The following UCKL1 variants were observed in gnomAD, a reference collection of about 807,000 sequenced individuals.
The protein encoded by UCKL1 is uridine-cytidine kinase 1 like 1, also known as uridine-cytidine kinase-like 1.
A neutral mutation model predicts 59.2 loss-of-function variants in UCKL1; 65 were observed. The observed-to-expected ratio is 1.10, with a 90% CI of 0.90 to 1.35. The LOEUF (loss-of-function observed/expected upper bound fraction) is 1.35. Among genes scored for constraint, UCKL1 ranks in the 40% most tolerant of loss-of-function variants. The pLI is 0.00. For missense variants in UCKL1, 703 were observed against 784.3 expected (o/e 0.90, Z 1.24); for synonymous variants, 410 against 323.1 (o/e 1.27, Z -2.88).
At chr20:63,946,313 C>T (rs368324388) in intron 2 of UCKL1, 46 bp from the exon 3 acceptor site, 27 of 1,552,384 alleles carry the variant, frequency 1.7e-5, no homozygotes, top group African/African-American at 8.2e-5. Context: ...GGCAGGCTGC[C>T]GGCACAGATA....
At chr20:63,951,216 A>G in intron 1 of UCKL1, 1 of 998,822 alleles carries the variant, frequency 1.0e-6, no homozygotes, top group Non-Finnish European at 1.2e-6. Context: ...GCCTGATATT[A>G]ATAGCGCTGG....
Position 63,944,602 on chromosome 20 carries a change from A to G in UCKL1, c.787T>C (p.Ser263Pro). ...GTGGGCTGGATGTACTGGTCGAAGG[A>G]GGGCTTGACAAACTTGTTGTACTGC... ...IKQYNKFVKP[S>P]FDQYIQPTMR... The change falls in exon 6 of 15, where the codon TCC becomes CCC. Residue 263 changes from serine (S) to proline (P), a missense_variant. Ser to Pro is a moderately conservative substitution (Grantham distance 74, BLOSUM62 -1). Transcript: ENST00000354216. The G allele has an allele frequency of 6.2e-7, 1 of 1,613,160 alleles. No homozygotes were observed. Among genetic ancestry groups the G allele is most frequent in the Non-Finnish European group, 8.5e-7 (1 of 1,179,882 alleles).
chr20:63,950,750 G>A (rs770966979), intron 1 of UCKL1: 14 of 1,526,722 alleles, frequency 9.2e-6, no homozygotes, highest in South Asian at 6.2e-5. Context: ...ACCTCCAGTC[G>A]AGACTCACCT....
intron 3 of UCKL1, 68 bp from the exon 4 acceptor site, chr20:63,946,043 G>C: frequency 6.2e-7 from 1 of 1,610,412 alleles, no homozygotes. Flanking sequence ...GCGGACAGGG[G>C]CTCTAGGCCT....
At position 63,945,872 on chromosome 20, in the gene UCKL1, A is replaced by G; in HGVS notation, c.515T>C (p.Leu172Pro). 2.5e-6 allele frequency: 4 copies of G among 1,613,690 alleles called. No homozygotes were observed. Among genetic ancestry groups the G allele is most frequent in the Non-Finnish European group, 3.4e-6 (4 of 1,179,968 alleles). ...CACCTTGACACTCTTCCCCTGCTTC[A>G]GCTTCTTGAGGGTGGAAATGATGAG... ...FDLIISTLKK[L>P]KQGKSVKVPI... The change falls in exon 4 of 15, where the codon CTG becomes CCG. Residue 172 changes from leucine to proline, a missense_variant. Leu to Pro is a moderately conservative substitution (Grantham distance 98, BLOSUM62 -3). Around this residue, in one of 4 missense-constraint regions of UCKL1, gnomAD observed 398 missense variants for 373.0 expected, o/e 1.07. Transcript: ENST00000354216.
At chr20:63,946,857 C>G (rs1165630890) in intron 1 of UCKL1, among the ~76,000 whole-genome samples, 1 of 151,874 alleles carries the variant, frequency 6.6e-6, no homozygotes, top group African/African-American at 2.4e-5. Flanking sequence ...GCAGGTGGAT[C>G]ATTTGAGGTC....
intron 1 of UCKL1, among the ~76,000 whole-genome samples, chr20:63,950,509 CACA>C (rs1357431001): frequency 2.6e-5 from 4 of 152,160 alleles, no homozygotes; most frequent in Non-Finnish European, 4.4e-5. Context: ...TGCTTCTGGC[CACA>C]ACAACAAAAG....
intron 1 of UCKL1, among the ~76,000 whole-genome samples, chr20:63,947,664 G>C (rs1016846551): frequency 6.6e-6 from 1 of 152,240 alleles, no homozygotes; most frequent in African/African-American, 2.4e-5. Context: ...ATTCATTCTT[G>C]CTGTGGCCCC....
intron 1 of UCKL1, among the ~76,000 whole-genome samples, chr20:63,948,003 G>A (rs1006081579): frequency 3.9e-5 from 6 of 152,348 alleles, no homozygotes; most frequent in South Asian, 2.1e-4. Flanking sequence ...GGGGGTTGGG[G>A]GGGCATCAAC....
intron 12 of UCKL1, 28 bp from the exon 13 acceptor site, chr20:63,940,513 G>T: frequency 6.2e-7 from 1 of 1,606,774 alleles, no homozygotes; most frequent in Non-Finnish European, 8.5e-7. Flanking sequence ...CAGGCTGCAG[G>T]TGGGGCTCCC....
At chr20:63,940,566 G>T in intron 12 of UCKL1, 28 bp downstream of exon 12, 6 of 1,605,238 alleles carry the variant, frequency 3.7e-6, no homozygotes, top group Non-Finnish European at 3.4e-6. Context: ...CTACCCCCGG[G>T]CTCATCACCC....
At position 63,943,672 on chromosome 20, in the gene UCKL1, G is replaced by C. The variant is rs775539209; in HGVS notation, c.907-3C>G. 5.0e-6 allele frequency: 8 copies of C among 1,612,714 alleles called. No homozygotes were observed. In the South Asian group the frequency reaches 7.7e-5, roughly 15 times the overall value. On this transcript the variant is annotated splice_polypyrimidine_tract_variant and splice_region_variant and intron_variant, in intron 7 of 14. Transcript: ENST00000354216. ...TCTTACCTGACGCTGAGTTCACGCT[G>C]TGGCAGCAACACAGGAAGACACAAG...
chr20:63,947,104 G>A (rs967358894), intron 1 of UCKL1, among the ~76,000 whole-genome samples: 12 of 151,722 alleles, frequency 7.9e-5, no homozygotes, highest in African/African-American at 2.9e-4. Flanking sequence ...CCTGCCTCCT[G>A]CCTGCAGCTG....
chr20:63,945,901 GA>G lies in UCKL1; in HGVS notation c.485del (p.Phe162SerfsTer11). On this transcript the variant is annotated frameshift_variant, in exon 4 of 15. Transcript: ENST00000354216. LOFTEE classifies it high-confidence loss of function. ...FNFDHPDAFD[F>X]DLIISTLKKL... ...TCTTGAGGGTGGAAATGATGAGGTC[GA>G]AGTCAAAGGCATCTGGGTGGTCGAA... The G allele has an allele frequency of 6.2e-7, 1 of 1,613,866 alleles. No homozygotes were observed.
At chr20:63,943,966 G>A (rs1275668635) in intron 7 of UCKL1, among the ~76,000 whole-genome samples, 1 of 152,206 alleles carries the variant, frequency 6.6e-6, no homozygotes, top group Non-Finnish European at 1.5e-5. Flanking sequence ...CCCAGCCATA[G>A]AATGCCTCAG....
chr20:63,944,729 C>G lies in UCKL1; in HGVS notation c.660G>C (p.Leu220=). Residue 220 remains leucine (L), a synonymous_variant, in exon 6 of 15, where the codon CTG becomes CTC. Coordinates refer to ENST00000354216, the MANE Select transcript of UCKL1 (RefSeq NM_017859.4). ...CTGTGTCCACAAAGATCTTCATGTCCAGGAGCTGGTGGAGACAGCGGGCCA... is the reference window on the plus strand; with the variant it reads ...CTGTGTCCACAAAGATCTTCATGTCGAGGAGCTGGTGGAGACAGCGGGCCA... The part of the protein sequence containing the change: ...AFADKTLLEL[L]DMKIFVDTDS... 1.2e-6 allele frequency: 2 copies of G among 1,612,516 alleles called. No homozygotes were observed. Among genetic ancestry groups the G allele is most frequent in the African/African-American group, 1.3e-5 (1 of 75,074 alleles).
rs370105526 is a variant in UCKL1, at chr20:63,940,672, G to A, written c.1224C>T (p.Pro408=). 3.7e-6 allele frequency: 6 copies of A among 1,608,832 alleles called. No homozygotes were observed. The highest frequency in any genetic ancestry group is 3.4e-5 in the Admixed American group (2 of 59,566). ...SILRAGETME[P]ALRAVCKDVR... is the part of the protein sequence containing the mutation. ...CGTCTTTGCACACAGCGCGCAGCGCGGGCTCCATGGTTTCACCGGCGCGCA... is the reference window on the plus strand; with the variant it reads ...CGTCTTTGCACACAGCGCGCAGCGCAGGCTCCATGGTTTCACCGGCGCGCA... The change falls in exon 12 of 15, where the codon CCC becomes CCT. Residue 408 remains proline (P), a synonymous_variant. Transcript: ENST00000354216.
chr20:63,940,671 C>T lies in UCKL1; in HGVS notation c.1225G>A (p.Ala409Thr). Residue 409 changes from alanine (A) to threonine (T), a missense_variant, in exon 12 of 15, where the codon GCG becomes ACG. By Grantham distance (58) the Ala-to-Thr change is moderately conservative. Transcript: ENST00000354216. ...ILRAGETMEP[A>T]LRAVCKDVRI... ...ACGTCTTTGCACACAGCGCGCAGCG[C>T]GGGCTCCATGGTTTCACCGGCGCGC... The T allele has an allele frequency of 1.9e-6, 3 of 1,608,680 alleles. No individual in the cohort carries two copies. Among genetic ancestry groups the T allele is most frequent in the Admixed American group, 1.7e-5 (1 of 59,544 alleles).
chr20:63,950,783 C>T, intron 1 of UCKL1: 1 of 1,540,234 alleles, frequency 6.5e-7, no homozygotes, highest in Admixed American at 2.0e-5. Flanking sequence ...AAGGGCCCGG[C>T]ACCCTGAGAT....
Sources: gnomAD v4.1 joint callset for allele counts (sites outside exome capture counted in the v4.1 genomes callset) on GRCh38, gnomAD v4.1.1 for gene constraint, gnomAD v4.1.1 regional missense constraint, MANE v1.5 for transcripts, NCBI Gene and HGNC (gene_info 2026-07-23, HGNC 2026-07-21) for gene names.